The following SAMD5 variants were observed in gnomAD, a reference collection of about 807,000 sequenced individuals.
SAMD5 encodes sterile alpha motif domain containing 5.
In SAMD5, 13 loss-of-function variants were observed where a neutral mutation model predicts 11.3. The ratio of observed to expected loss-of-function variants is 1.15; its 90% confidence interval spans 0.75 to 1.83. SAMD5 has a LOEUF of 1.83. Among genes scored for constraint, SAMD5 ranks in the 40% most tolerant of loss-of-function variants. SAMD5 has a pLI of 0.00. For missense variants in SAMD5, 255 were observed against 239.1 expected, an observed-to-expected ratio of 1.07 and a Z score of -0.44; for synonymous variants, 129 against 111.3, an observed-to-expected ratio of 1.16 and a Z score of -1.00.
the SAMD5 span, among the ~76,000 whole-genome samples, chr6:147,844,879 T>G: frequency 6.6e-6 from 1 of 152,054 alleles, no homozygotes; most frequent in Non-Finnish European, 1.5e-5. Context: ...AAGATGTTGG[T>G]CGATAGGTAC....
At chr6:147,905,772 A>G in the SAMD5 span, among the ~76,000 whole-genome samples, 11 of 152,366 alleles carry the variant, frequency 7.2e-5, no homozygotes, top group East Asian at 2.1e-3. Context: ...GAATTCTAAA[A>G]ATGTGTGGGC....
chr6:147,801,782 TAG>T, the SAMD5 span, among the ~76,000 whole-genome samples: 50 of 152,006 alleles, frequency 3.3e-4, no homozygotes, highest in Admixed American at 2.5e-3. Context: ...TAGAACAGAG[TAG>T]AGAGTACAGA....
chr6:147,812,619 G>C, the SAMD5 span, among the ~76,000 whole-genome samples: 2 of 152,156 alleles, frequency 1.3e-5, no homozygotes, highest in African/African-American at 4.8e-5. Flanking sequence ...AATAAAGCCT[G>C]TCTGCAGGTG....
intron 1 of SAMD5, among the ~76,000 whole-genome samples, chr6:147,684,486 A>G (rs1330878524): frequency 6.6e-6 from 1 of 152,156 alleles, no homozygotes; most frequent in Non-Finnish European, 1.5e-5. Context: ...GGGCTGGGTC[A>G]TAGAGTCCTA....
At chr6:147,647,518 G>A (rs1355886591) in intron 1 of SAMD5, among the ~76,000 whole-genome samples, 1 of 152,176 alleles carries the variant, frequency 6.6e-6, no homozygotes, top group Non-Finnish European at 1.5e-5. Context: ...ATTTCCAGAA[G>A]TCATTTGGAG....
intron 1 of SAMD5, among the ~76,000 whole-genome samples, chr6:147,541,278 C>A (rs1334535688): frequency 1.3e-5 from 2 of 152,250 alleles, no homozygotes; most frequent in Middle Eastern, 3.4e-3. Context: ...GAGACAATCA[C>A]CCTTTCCTGT....
the SAMD5 span, among the ~76,000 whole-genome samples, chr6:147,767,302 A>T: frequency 4.1e-4 from 62 of 151,880 alleles, no homozygotes; most frequent in East Asian, 8.9e-3. Flanking sequence ...GAGGAGCTGA[A>T]TTGTGATGTT....
the SAMD5 span, among the ~76,000 whole-genome samples, chr6:147,916,795 G>A: frequency 7.5e-5 from 11 of 146,160 alleles, no homozygotes; most frequent in Non-Finnish European, 8.9e-5. Context: ...CTATGAGTGA[G>A]AATATACGGT....
At chr6:147,900,065 T>C in the SAMD5 span, among the ~76,000 whole-genome samples, 4 of 152,192 alleles carry the variant, frequency 2.6e-5, 1 homozygote, top group South Asian at 8.3e-4. Flanking sequence ...TCTTTTAGGA[T>C]AGACCCAGTC....
chr6:147,747,089 T>C, the SAMD5 span, among the ~76,000 whole-genome samples: 1 of 152,098 alleles, frequency 6.6e-6, no homozygotes, highest in Admixed American at 6.5e-5. Context: ...ACACTAAAGG[T>C]GATGTCAAGT....
At chr6:147,684,171 A>G (rs553753281) in intron 1 of SAMD5, among the ~76,000 whole-genome samples, 1 of 152,128 alleles carries the variant, frequency 6.6e-6, no homozygotes, top group East Asian at 1.9e-4. Flanking sequence ...TCTTCCTATG[A>G]TTGAGCTTTA....
At chr6:147,786,770 C>G in the SAMD5 span, among the ~76,000 whole-genome samples, 1 of 152,174 alleles carries the variant, frequency 6.6e-6, no homozygotes, top group Non-Finnish European at 1.5e-5. Context: ...ATCATTCACT[C>G]TTTCTTAAGC....
intron 1 of SAMD5, among the ~76,000 whole-genome samples, chr6:147,612,772 A>G (rs9497818): frequency 0.24 from 36,428 of 152,044 alleles, 6,857 homozygotes; most frequent in African/African-American, 0.51. Context: ...TATAAACTCT[A>G]TTGAGTTCTA....
At chr6:147,616,188 T>C (rs4896929) in intron 1 of SAMD5, among the ~76,000 whole-genome samples, 34 of 109,056 alleles carry the variant, frequency 3.1e-4, no homozygotes, top group African/African-American at 4.2e-4. Context: ...TTCATATATA[T>C]TTCATATATA....
intron 1 of SAMD5, among the ~76,000 whole-genome samples, chr6:147,736,128 A>T (rs944955845): frequency 1.3e-5 from 2 of 152,186 alleles, no homozygotes; most frequent in Admixed American, 1.3e-4. Flanking sequence ...GCAGTGTGAC[A>T]TCAGGCAGAT....
At chr6:147,689,894 T>C (rs1480517450) in intron 1 of SAMD5, among the ~76,000 whole-genome samples, 1 of 152,208 alleles carries the variant, frequency 6.6e-6, no homozygotes, top group Non-Finnish European at 1.5e-5. Flanking sequence ...AGTAATTCTG[T>C]CTGGAAATTA....
At chr6:147,553,461 T>G (rs1405950831) in intron 1 of SAMD5, among the ~76,000 whole-genome samples, 1 of 152,130 alleles carries the variant, frequency 6.6e-6, no homozygotes, top group African/African-American at 2.4e-5. Flanking sequence ...CCAAATTGTT[T>G]TCTCTCTTTC....
the SAMD5 span, among the ~76,000 whole-genome samples, chr6:147,895,881 C>A: frequency 3.0e-4 from 46 of 152,254 alleles, no homozygotes; most frequent in African/African-American, 9.9e-4. Context: ...AAACTGGACC[C>A]GGAAATGTTG....
intron 1 of SAMD5, among the ~76,000 whole-genome samples, chr6:147,678,947 G>A (rs964508483): frequency 6.6e-6 from 1 of 152,074 alleles, no homozygotes; most frequent in Non-Finnish European, 1.5e-5. Context: ...ATTGTTGTAT[G>A]TCTCAATAGT....
Sources: gnomAD v4.1 joint callset for allele counts (sites outside exome capture counted in the v4.1 genomes callset) on GRCh38, gnomAD v4.1.1 for gene constraint, MANE v1.5 for transcripts, NCBI Gene and HGNC (gene_info 2026-07-23, HGNC 2026-07-21) for gene names.